Variants in CACNA1H observed in about 807,000 individuals in gnomAD.
CACNA1H encodes the protein calcium voltage-gated channel subunit alpha1 H, also known as voltage-dependent T-type calcium channel subunit alpha-1H.
A neutral mutation model predicts 192.5 loss-of-function variants in CACNA1H; 149 were observed. The ratio of observed to expected loss-of-function variants is 0.77; its 90% CI spans 0.68 to 0.89. The LOEUF (loss-of-function observed/expected upper bound fraction) is 0.89. CACNA1H is among the 40% of genes least tolerant of loss of function. The probability of loss-of-function intolerance (pLI) is 0.00; values close to 1 mark genes in which losing one functional copy is unlikely to be tolerated. For synonymous variants in CACNA1H, 2,202 were observed against 1,475.2 expected, an observed-to-expected ratio of 1.49 and a Z score of -11.29; for missense variants, 4,257 against 3,423.5, an observed-to-expected ratio of 1.24 and a Z score of -6.08.
At chr16:1,209,007 G>C in intron 16 of CACNA1H, 25 bp from the exon 17 acceptor site, 1 of 1,474,748 alleles carries the variant, frequency 6.8e-7, no homozygotes, top group Non-Finnish European at 8.9e-7. Flanking sequence ...ATGCCACCAG[G>C]TCACTGACTC....
chr16:1,183,483 C>A (rs1193580535), intron 2 of CACNA1H, among the ~76,000 whole-genome samples: 3 of 152,196 alleles, frequency 2.0e-5, no homozygotes, highest in African/African-American at 4.8e-5. Flanking sequence ...GAAGAGAAAC[C>A]TCCTTCAGTC....
rs1454154672 is a variant in CACNA1H, at chr16:1,210,802, C to T, written c.4054C>T (p.Leu1352=). Residue 1352 remains leucine, a synonymous_variant, in exon 21 of 35, where the codon CTG becomes TTG. Coordinates refer to ENST00000348261, the MANE Select transcript of CACNA1H (RefSeq NM_021098.3). The stretch of plus-strand genomic sequence containing the variant: ...CCCTCCGCAGGTGGTGGCCCTGGGG[C>T]TGCTGTCCGGCGAGCACGCCTACCT... The part of the protein sequence containing the change: ...EMMVKVVALG[L]LSGEHAYLQS... 6.2e-7 allele frequency: 1 copy of T among 1,601,378 alleles called. No individual in the cohort carries two copies. Among genetic ancestry groups the T allele is most frequent in the East Asian group, 2.2e-5 (1 of 44,894 alleles).
chr16:1,194,447 C>G (rs1357011366), intron 2 of CACNA1H, among the ~76,000 whole-genome samples: 1 of 152,172 alleles, frequency 6.6e-6, no homozygotes, highest in African/African-American at 2.4e-5. Context: ...CCTGGAAAGT[C>G]TGCCCCGAGT....
chr16:1,192,197 C>G (rs1966685107), intron 2 of CACNA1H, among the ~76,000 whole-genome samples: 1 of 152,230 alleles, frequency 6.6e-6, no homozygotes, highest in South Asian at 2.1e-4. Flanking sequence ...AGGCCCCCTC[C>G]TGGCTTCCCT....
intron 2 of CACNA1H, among the ~76,000 whole-genome samples, chr16:1,174,809 A>G (rs1386456587): frequency 2.0e-5 from 3 of 152,220 alleles, no homozygotes; most frequent in Non-Finnish European, 4.4e-5. Flanking sequence ...GACGAGAGCC[A>G]GGATGGCCGA....
In CACNA1H at chr16:1,167,867, G is replaced by A. The variant is rs750781650; in HGVS notation, c.299+13831G>A. Among the ~76,000 whole-genome samples the A allele has an allele frequency of 6.6e-5, 10 of 152,258 alleles. No homozygotes were observed. The highest frequency in any genetic ancestry group is 4.1e-4 in the South Asian group (2 of 4,822). On this transcript the variant is annotated intron_variant, in intron 2 of 34. Coordinates refer to ENST00000348261, the MANE Select transcript of CACNA1H (RefSeq NM_021098.3). This position sits in a 1 kb window ranked among gnomAD's most constrained non-coding sequence, Gnocchi z 4.2. ...GCCTGGCCGTCCGTCCGCGGGGCCC[G>A]GGCTGCCCATGGCAGCAGGTGCTCA... is the stretch of plus-strand genomic sequence containing the variant.
At chr16:1,185,195 A>G (rs900846380) in intron 2 of CACNA1H, among the ~76,000 whole-genome samples, 5 of 151,980 alleles carry the variant, frequency 3.3e-5, no homozygotes, top group East Asian at 1.9e-4. Context: ...CTTCCTTTTC[A>G]TGGCTGAGTA....
chr16:1,211,906 C>T (rs565821364), intron 24 of CACNA1H, 40 bp from the exon 25 acceptor site: 30 of 1,610,272 alleles, frequency 1.9e-5, no homozygotes, highest in Middle Eastern at 1.6e-4. Context: ...GGGCCCCTGG[C>T]GGGGCAGGCG....
At position 1,201,923 on chromosome 16, in the gene CACNA1H, C is replaced by T. The variant is rs553133186; in HGVS notation, c.1473C>T (p.Asp491=). The change falls in exon 9 of 35, where the codon GAC becomes GAT. Residue 491 remains aspartate, a synonymous_variant. Coordinates refer to ENST00000348261, the MANE Select transcript of CACNA1H (RefSeq NM_021098.3). ...RWQSRWRKKV[D]PSAVQGQGPG... ...AGAGCCGCTGGCGCAAGAAGGTGGA[C>T]CCCAGTGCTGTGCAAGGCCAGGGTC... 5.8e-6 allele frequency: 9 copies of T among 1,550,004 alleles called. 1 individual carries two copies. The South Asian group carries it at 9.5e-5, about 16-fold the overall frequency.
At chr16:1,154,115 C>T (rs1403856286) in intron 2 of CACNA1H, 79 bp downstream of exon 2, 25 of 1,045,220 alleles carry the variant, frequency 2.4e-5, no homozygotes, top group East Asian at 3.7e-5. Context: ...ACTCCCTCGG[C>T]ATGCGCCCCC....
intron 8 of CACNA1H, among the ~76,000 whole-genome samples, chr16:1,201,259 G>A (rs552628829): frequency 4.6e-5 from 7 of 152,282 alleles, no homozygotes; most frequent in Non-Finnish European, 5.9e-5. Context: ...TCCCCAGCTT[G>A]TTCTGAGAGA....
rs1176979850 is a variant in CACNA1H at position 1,199,859 on chromosome 16, C to T, written c.804-397C>T. 3.0e-4 allele frequency among the ~76,000 whole-genome samples: 45 copies of T among 152,104 alleles called. 2 individuals are homozygous for T. The highest frequency in any genetic ancestry group is 2.7e-3 in the Admixed American group (42 of 15,276). On this transcript the variant is annotated intron_variant, in intron 6 of 34. Transcript: ENST00000348261. The stretch of plus-strand genomic sequence containing the variant: ...TCCCCTCGTCCCTTGCCCTTTGCCC[C>T]TCATCCGCTTCCAGGAGTTGCTGAG...
chr16:1,198,315 C>T (rs956640453), intron 5 of CACNA1H, among the ~76,000 whole-genome samples: 5 of 152,180 alleles, frequency 3.3e-5, no homozygotes, highest in Non-Finnish European at 7.4e-5. Context: ...ACACCCCAGC[C>T]CTCCAAAAGC....
chr16:1,206,846 C>T, intron 12 of CACNA1H, 155 bp from the exon 13 acceptor site: 1 of 579,716 alleles, frequency 1.7e-6, no homozygotes, highest in Non-Finnish European at 3.2e-6. Flanking sequence ...AGCTAGAGAG[C>T]TCGGGCGCCC....
At chr16:1,219,239 T>G (rs1596477980) in intron 34 of CACNA1H, 109 bp downstream of exon 34, 1 of 1,111,602 alleles carries the variant, frequency 9.0e-7, no homozygotes, top group Non-Finnish European at 1.2e-6. Context: ...AGGAGGAGGG[T>G]CGCACTGGGT....
intron 10 of CACNA1H, 30 bp from the exon 11 acceptor site, chr16:1,205,084 C>T (rs1433601908): frequency 2.5e-6 from 4 of 1,598,372 alleles, no homozygotes; most frequent in East Asian, 2.3e-5. Context: ...CGGGTGCGGC[C>T]TCCTGAACTG....
Position 1,190,678 on chromosome 16 carries a change from C to A in CACNA1H, c.300-4294C>A, listed in dbSNP as rs116441770. 3.6e-3 allele frequency among the ~76,000 whole-genome samples: 544 copies of A among 152,394 alleles called. 7 individuals are homozygous for A. Among genetic ancestry groups the A allele is most frequent in the African/African-American group, 0.012 (515 of 41,600 alleles). Reference sequence around the variant, plus strand: ...CCCCAGACCCTGCTATACCACCGTCCCCTCCAGAGCTGCCCCACAGGCACA... The same window carrying A: ...CCCCAGACCCTGCTATACCACCGTCACCTCCAGAGCTGCCCCACAGGCACA... On this transcript the variant is annotated intron_variant, in intron 2 of 34. Transcript: ENST00000348261.
chr16:1,194,249 C>T (rs963137226), intron 2 of CACNA1H, among the ~76,000 whole-genome samples: 2 of 152,184 alleles, frequency 1.3e-5, no homozygotes, highest in Non-Finnish European at 2.9e-5. Context: ...GTGTTGGTGA[C>T]GGCAGGGACT....
In CACNA1H at chr16:1,208,145, C is replaced by T. The variant is rs1171248918; in HGVS notation, c.3287C>T (p.Ala1096Val). Residue 1096 changes from alanine (A) to valine (V), a missense_variant, in exon 16 of 35, where the codon GCA becomes GTA. Ala to Val is a moderately conservative substitution (Grantham distance 64). Transcript: ENST00000348261. ...CCCAAGAGCTCACCATTCCTGGATG[C>T]AGCCCCCAGCCTCCCAGACTCTCGG... ...PTPKSSPFLD[A>V]APSLPDSRRG... The T allele has an allele frequency of 1.3e-6, 2 of 1,582,472 alleles. No individual in the cohort carries two copies. Among genetic ancestry groups the T allele is most frequent in the Non-Finnish European group, 1.7e-6 (2 of 1,165,794 alleles).
Sources: gnomAD v4.1 joint callset for allele counts (sites outside exome capture counted in the v4.1 genomes callset) on GRCh38, gnomAD v4.1.1 for gene constraint, Gnocchi (gnomAD v3.1) non-coding constraint, MANE v1.5 for transcripts, NCBI Gene and HGNC (gene_info 2026-07-23, HGNC 2026-07-21) for gene names.